FAT3: variants seen among roughly 807,000 people sequenced by gnomAD.
FAT3 encodes protocadherin Fat 3.
A neutral mutation model predicts 310.2 loss-of-function variants in FAT3; 95 were observed. The ratio of observed to expected loss-of-function variants is 0.31; its 90% confidence interval spans 0.26 to 0.36. The LOEUF (loss-of-function observed/expected upper bound fraction) is 0.36. Among genes scored for constraint, FAT3 ranks in the 10% least tolerant of loss-of-function variants. The probability of loss-of-function intolerance (pLI) is 1.00; values close to 1 mark genes in which losing one functional copy is unlikely to be tolerated. For synonymous variants in FAT3, 2,314 were observed against 2,192.9 expected (o/e 1.06, Z -1.54); for missense variants, 5,408 against 5,715.6 (o/e 0.95, Z 1.74).
Position 92,810,033 on chromosome 11 carries a change from C to G in FAT3, c.9438C>G (p.Thr3146=). The G allele has an allele frequency of 1.2e-6, 2 of 1,613,918 alleles. No homozygotes were observed. The highest frequency in any genetic ancestry group is 8.5e-7 in the Non-Finnish European group (1 of 1,179,848). ...YNTCVYENTA[T]KALLTRVQAV... is the part of the protein sequence containing the mutation. Reference sequence around the variant, plus strand: ...CCTGTGTCTATGAGAACACAGCCACCAAGGCTCTGTTGACCAGAGTTCAAG... The same window carrying G: ...CCTGTGTCTATGAGAACACAGCCACGAAGGCTCTGTTGACCAGAGTTCAAG... The change falls in exon 13 of 28, where the codon ACC becomes ACG. Residue 3146 remains threonine (T), a synonymous_variant. Transcript: ENST00000525166.
At chr11:92,739,973 G>A (rs1000090359) in intron 4 of FAT3, among the ~76,000 whole-genome samples, 4 of 152,144 alleles carry the variant, frequency 2.6e-5, no homozygotes, top group Admixed American at 6.6e-5. Flanking sequence ...TTCTGAGAAC[G>A]TTCTGGGAGA....
intron 2 of FAT3, chr11:92,403,308 C>T (rs1032651215): frequency 6.6e-6 from 1 of 152,192 alleles, no homozygotes; most frequent in African/African-American, 2.4e-5. Context: ...TTCCCACACT[C>T]AATGTCTTCT....
chr11:92,615,210 A>G (rs971587711), intron 3 of FAT3, among the ~76,000 whole-genome samples: 2 of 152,058 alleles, frequency 1.3e-5, no homozygotes, highest in African/African-American at 4.8e-5. Flanking sequence ...TGAATTTTAG[A>G]ATCAACTTGT....
Position 92,831,937 on chromosome 11 carries a change from G to A in FAT3, c.9797G>A (p.Gly3266Asp), listed in dbSNP as rs1360190022. 2 of 1,599,818 alleles carry A rather than the reference G, an allele frequency of 1.3e-6. No individual in the cohort carries two copies. Among genetic ancestry groups the A allele is most frequent in the African/African-American group, 1.3e-5 (1 of 74,708 alleles). ...LAVFATSKDI[G>D]TNAEITYLIR... ...GTTTTTGCCACCAGCAAAGATATTG[G>A]CACAAATGCTGAGATCACTTATCTC... The change falls in exon 14 of 28, where the codon GGC (glycine) becomes GAC (aspartate). Residue 3266 changes from glycine to aspartate, a missense_variant. Gly to Asp is a moderately conservative substitution (Grantham distance 94). This residue lies in a region of FAT3 where 4,588 missense variants were observed against 4,809.8 expected (regional missense o/e 0.95). Coordinates refer to ENST00000525166, the MANE Select transcript of FAT3 (RefSeq NM_001367949.2).
At chr11:92,571,648 T>C (rs1056659173) in intron 3 of FAT3, among the ~76,000 whole-genome samples, 1 of 152,236 alleles carries the variant, frequency 6.6e-6, no homozygotes, top group Non-Finnish European at 1.5e-5. Flanking sequence ...TACGTGTCTT[T>C]TGCATAGGTC....
At position 92,551,402 on chromosome 11, in the gene FAT3, G is replaced by GT. The variant is rs1244683837; in HGVS notation, c.3607+26462dup. ...TGGGCCTAGGTGATCTTGGTCCCAT[G>GT]TTTTTTTTGTTTTGTGTGTGTGTGT... On this transcript the variant is annotated intron_variant, in intron 3 of 27. Transcript: ENST00000525166. Among the ~76,000 whole-genome samples, 9 of 54,718 alleles carry GT rather than the reference G, an allele frequency of 1.6e-4. No homozygotes were observed. In the South Asian group the frequency reaches 4.1e-3, roughly 25 times the overall value. 35.9% of individuals were successfully genotyped at this position (54,718 alleles called of 152,430 possible).
intron 19 of FAT3, among the ~76,000 whole-genome samples, chr11:92,853,090 C>T (rs930583036): frequency 2.6e-5 from 4 of 152,204 alleles, no homozygotes; most frequent in African/African-American, 9.6e-5. Flanking sequence ...CACTACTGGC[C>T]CAGATCCCAC....
At chr11:92,560,303 T>C (rs1052645911) in intron 3 of FAT3, among the ~76,000 whole-genome samples, 3 of 152,184 alleles carry the variant, frequency 2.0e-5, no homozygotes, top group Non-Finnish European at 4.4e-5. Flanking sequence ...TTCTTCTTAT[T>C]AGTGAGTTGT....
At chr11:92,824,823 G>A (rs1188693941) in intron 13 of FAT3, among the ~76,000 whole-genome samples, 4 of 150,798 alleles carry the variant, frequency 2.7e-5, no homozygotes, top group African/African-American at 9.8e-5. Flanking sequence ...ATATTATTTT[G>A]TAACTTGCTT....
At chr11:92,789,399 G>A (rs894094097) in intron 7 of FAT3, among the ~76,000 whole-genome samples, 4 of 152,036 alleles carry the variant, frequency 2.6e-5, no homozygotes, top group East Asian at 1.9e-4. Flanking sequence ...GGGAAACTTC[G>A]TACCTTAGCT....
At chr11:92,433,237 G>GT (rs959458745) in intron 2 of FAT3, among the ~76,000 whole-genome samples, 1 of 152,132 alleles carries the variant, frequency 6.6e-6, no homozygotes, top group Admixed American at 6.5e-5. Context: ...TTCCAGGGGA[G>GT]TGAACGGTTC....
chr11:92,333,908 C>G (rs1202442936), intron 1 of FAT3, among the ~76,000 whole-genome samples: 1 of 151,838 alleles, frequency 6.6e-6, no homozygotes, highest in African/African-American at 2.4e-5. Context: ...CCAACAAAAG[C>G]TAAAAGGGAG....
chr11:92,793,708 C>G (rs764273036), intron 9 of FAT3, among the ~76,000 whole-genome samples: 1 of 152,114 alleles, frequency 6.6e-6, no homozygotes, highest in African/African-American at 2.4e-5. Flanking sequence ...GTTCTCCTCC[C>G]CATTCCATCT....
In FAT3 at chr11:92,830,695, C is replaced by A. The variant is rs1045473401; in HGVS notation, c.9482-927C>A. Among the ~76,000 whole-genome samples the A allele has an allele frequency of 2.0e-5, 3 of 152,180 alleles. No homozygotes were observed. The Middle Eastern group carries it at 0.01, about 518-fold the overall frequency. ...TAATCTGTCCAGAATAGGGCTTCTG[C>A]ATTCAAAACCTAGTCTTTCTGCAGC... On this transcript the variant is annotated intron_variant, in intron 13 of 27. Transcript: ENST00000525166.
chr11:92,617,646 G>T (rs1346903043), intron 3 of FAT3, among the ~76,000 whole-genome samples: 2 of 152,116 alleles, frequency 1.3e-5, no homozygotes, highest in African/African-American at 4.8e-5. Context: ...TGATGGTGAC[G>T]TACAGATGGG....
At chr11:92,514,661 T>A (rs539930495) in intron 2 of FAT3, among the ~76,000 whole-genome samples, 1 of 152,132 alleles carries the variant, frequency 6.6e-6, no homozygotes, top group Non-Finnish European at 1.5e-5. Context: ...AGAGGTCCTA[T>A]CCTATTGAAT....
chr11:92,781,330 G>A lies in FAT3; in HGVS notation c.4335+7150G>A, dbSNP rs150823438. On this transcript the variant is annotated intron_variant, in intron 7 of 27. Transcript: ENST00000525166. Reference sequence around the variant, plus strand: ...ACTCCTGATCTCAAGTGATCCACCCGCCTTGGCCTCCCACCGAGCCACCGC... The same window carrying A: ...ACTCCTGATCTCAAGTGATCCACCCACCTTGGCCTCCCACCGAGCCACCGC... Among the ~76,000 whole-genome samples the A allele has an allele frequency of 9.0e-3, 1,359 of 150,610 alleles. 16 individuals carry two copies. Among genetic ancestry groups the A allele is most frequent in the African/African-American group, 0.029 (1,179 of 40,990 alleles).
chr11:92,291,205 C>G (rs1946684053), intron 1 of FAT3, among the ~76,000 whole-genome samples: 1 of 151,826 alleles, frequency 6.6e-6, no homozygotes, highest in Admixed American at 6.6e-5. Flanking sequence ...TTGTCCAGTA[C>G]AAAGATGTGT....
chr11:92,573,357 G>T (rs1300088327), intron 3 of FAT3, among the ~76,000 whole-genome samples: 1 of 152,140 alleles, frequency 6.6e-6, no homozygotes, highest in Non-Finnish European at 1.5e-5. Context: ...CCAGCAGGAA[G>T]ACTCTCAGTG....
Sources: gnomAD v4.1 joint callset for allele counts (sites outside exome capture counted in the v4.1 genomes callset) on GRCh38, gnomAD v4.1.1 for gene constraint, gnomAD v4.1.1 regional missense constraint, MANE v1.5 for transcripts, NCBI Gene and HGNC (gene_info 2026-07-23, HGNC 2026-07-21) for gene names.